The following DNAJC10 variants were observed in gnomAD, a reference collection of about 807,000 sequenced individuals.
DNAJC10 encodes endoplasmic reticulum disulfide reductase DNAJC10.
In DNAJC10, 101 loss-of-function variants were observed where a neutral mutation model predicts 115.0. The observed-to-expected ratio is 0.88, with a 90% confidence interval of 0.75 to 1.04. The LOEUF (loss-of-function observed/expected upper bound fraction) is 1.04, where lower values mean the gene tolerates loss of function less well. Among genes scored for constraint, DNAJC10 ranks in the 50% least tolerant of loss-of-function variants. The pLI is 0.00. For synonymous variants in DNAJC10, 307 were observed against 301.5 expected (o/e 1.02, Z -0.19); for missense variants, 981 against 928.8 (o/e 1.06, Z -0.73).
chr2:182,752,706 C>A, intron 16 of DNAJC10: 19 of 220,218 alleles, frequency 8.6e-5, no homozygotes, highest in Non-Finnish European at 1.1e-4. Context: ...GTATAAAATA[C>A]TTTGGGCAAA....
rs1014123348 is a variant in DNAJC10 at position 182,793,384 on chromosome 2, G to C, written c.*16252G>C. On this transcript the variant is annotated 3_prime_UTR_variant, in exon 24 of 24. Coordinates refer to ENST00000264065, the MANE Select transcript of DNAJC10 (RefSeq NM_018981.4). Reference sequence around the variant, plus strand: ...AATTGTGAAATTCCAGAACCAAAAAGAAGATCCTGGTAAAAGAGAAACTTT... The same window carrying C: ...AATTGTGAAATTCCAGAACCAAAAACAAGATCCTGGTAAAAGAGAAACTTT... 4 of 152,168 alleles carry C rather than the reference G, an allele frequency of 2.6e-5. No individual in the cohort carries two copies. The highest frequency in any genetic ancestry group is 5.9e-5 in the Non-Finnish European group (4 of 68,020). The allele number at this position is 152,168 out of a possible 1,614,324, so 9.4% of individuals were successfully genotyped here.
intron 10 of DNAJC10, 60 bp downstream of exon 10, chr2:182,732,602 G>T: frequency 6.7e-7 from 1 of 1,497,118 alleles, no homozygotes; most frequent in Non-Finnish European, 9.3e-7. Context: ...TTTAGAAATT[G>T]ATTTGAAACA....
rs144646841 is a variant in DNAJC10, at chr2:182,733,134, G to C, written c.849+592G>C. 1.5e-3 allele frequency among the ~76,000 whole-genome samples: 231 copies of C among 151,974 alleles called. 1 individual carries two copies. Among genetic ancestry groups the C allele is most frequent in the Middle Eastern group, 0.01 (3 of 294 alleles). ...ACTACATGATCTATAATTTCTAAGA[G>C]GGATGTATTAAAATCTCTACCATCC... is the stretch of plus-strand genomic sequence containing the variant. On this transcript the variant is annotated intron_variant, in intron 10 of 23. Transcript: ENST00000264065.
chr2:182,730,820 TAATG>T, intron 8 of DNAJC10, among the ~76,000 whole-genome samples: 2 of 152,190 alleles, frequency 1.3e-5, no homozygotes, highest in Middle Eastern at 6.8e-3. Context: ...CTTAATGAAA[TAATG>T]AATTTAGGTT....
chr2:182,771,534 C>G (rs947613734), intron 22 of DNAJC10, among the ~76,000 whole-genome samples: 2 of 152,164 alleles, frequency 1.3e-5, no homozygotes, highest in African/African-American at 4.8e-5. Context: ...AGAAATTCAT[C>G]TTCTTCCTGG....
At position 182,775,316 on chromosome 2, in the gene DNAJC10, A is replaced by G; in HGVS notation, c.2266A>G (p.Arg756Gly). 6.3e-7 allele frequency: 1 copy of G among 1,588,200 alleles called. No individual in the cohort carries two copies. Among genetic ancestry groups the G allele is most frequent in the Non-Finnish European group, 8.6e-7 (1 of 1,158,974 alleles). ...AGATAACAAGTGTTTTTAATTTTAG[A>G]GAAATTTTCAAGAAGAGCAGATAAA... ...VKFYFYERAK[R>G]NFQEEQINTR... Residue 756 changes from arginine to glycine, a missense_variant and splice_region_variant, in exon 23 of 24, where the codon AGA becomes GGA. Physicochemically the swap from Arg to Gly is moderately radical, Grantham distance 125. Coordinates refer to ENST00000264065, the MANE Select transcript of DNAJC10 (RefSeq NM_018981.4).
intron 22 of DNAJC10, among the ~76,000 whole-genome samples, chr2:182,774,241 G>A (rs1017377796): frequency 2.0e-5 from 3 of 152,120 alleles, no homozygotes; most frequent in Non-Finnish European, 4.4e-5. Flanking sequence ...AAGGGCAGCC[G>A]CCTATATGAG....
chr2:182,784,243 T>C lies in DNAJC10; in HGVS notation c.*7111T>C, dbSNP rs1376496827. 3 of 152,074 alleles carry C rather than the reference T, an allele frequency of 2.0e-5. No homozygotes were observed. The highest frequency in any genetic ancestry group is 3.1e-3 in the Middle Eastern group (1 of 320). 9.4% of individuals were successfully genotyped at this position (152,074 alleles called of 1,614,324 possible). Reference sequence around the variant, plus strand: ...TGGAGGCTGAGACAGGAGAATTGCATGAACCCGGAGGCAAAGGTTGCAGTG... The same window carrying C: ...TGGAGGCTGAGACAGGAGAATTGCACGAACCCGGAGGCAAAGGTTGCAGTG... On this transcript the variant is annotated 3_prime_UTR_variant, in exon 24 of 24. Transcript: ENST00000264065.
chr2:182,776,698 A>C (rs1318130386), intron 23 of DNAJC10, among the ~76,000 whole-genome samples: 2 of 152,200 alleles, frequency 1.3e-5, no homozygotes, highest in Non-Finnish European at 2.9e-5. Context: ...AAGAGTTATG[A>C]GTCTGTATTT....
In DNAJC10 at chr2:182,719,944, G is replaced by A. The variant is rs906263835; in HGVS notation, c.205-63G>A. The A allele has an allele frequency of 8.0e-6, 8 of 997,374 alleles. No homozygotes were observed. The African/African-American group carries it at 1.3e-4, about 16-fold the overall frequency. The allele number at this position is 997,374 out of a possible 1,614,324, so 61.8% of individuals were successfully genotyped here. A position where few individuals can be genotyped will look rare whatever the true frequency, so the allele number is the denominator to read the frequency against. ...CTAGATTAATTAAACCTACATATAT[G>A]TTTTGAAGAAACTTGGATTGTGTAT... On this transcript the variant is annotated intron_variant, in intron 3 of 23. Coordinates refer to ENST00000264065, the MANE Select transcript of DNAJC10 (RefSeq NM_018981.4).
chr2:182,760,949 A>C (rs1694271988), intron 21 of DNAJC10, among the ~76,000 whole-genome samples: 1 of 152,206 alleles, frequency 6.6e-6, no homozygotes, highest in Admixed American at 6.5e-5. Flanking sequence ...TAAAAACTTT[A>C]GTTATAAACT....
At position 182,736,154 on chromosome 2, in the gene DNAJC10, T is replaced by C. The variant is rs1054105915; in HGVS notation, c.850-95T>C. The C allele has an allele frequency of 2.4e-6, 3 of 1,242,182 alleles. No individual in the cohort carries two copies. The Admixed American group carries it at 9.0e-5, about 37-fold the overall frequency. The allele number at this position is 1,242,182 out of a possible 1,614,324, so 76.9% of individuals were successfully genotyped here. A position where few individuals can be genotyped will look rare whatever the true frequency, so the allele number is the denominator to read the frequency against. Reference sequence around the variant, plus strand: ...AAGGCATGAAGTTTTAATTTTTTGGTAGAAAAATTGTGTTTTTAGCTAAGT... The same window carrying C: ...AAGGCATGAAGTTTTAATTTTTTGGCAGAAAAATTGTGTTTTTAGCTAAGT... On this transcript the variant is annotated intron_variant, in intron 10 of 23. Coordinates refer to ENST00000264065, the MANE Select transcript of DNAJC10 (RefSeq NM_018981.4).
intron 5 of DNAJC10, among the ~76,000 whole-genome samples, chr2:182,726,580 A>G (rs1005367844): frequency 6.6e-6 from 1 of 152,178 alleles, no homozygotes; most frequent in African/African-American, 2.4e-5. Flanking sequence ...GGAGACATCA[A>G]TCAGTGTGGC....
At chr2:182,762,159 GAA>G (rs34152329) in intron 21 of DNAJC10, among the ~76,000 whole-genome samples, 6 of 65,230 alleles carry the variant, frequency 9.2e-5, no homozygotes, top group Admixed American at 1.2e-4. Flanking sequence ...TGCTGCTCAG[GAA>G]AAAAAAAAAA....
rs1008218702 is a variant in DNAJC10 at position 182,775,322 on chromosome 2, T to G, written c.2272T>G (p.Phe758Val). ...CAAGTGTTTTTAATTTTAGAGAAAT[T>G]TTCAAGAAGAGCAGATAAATACCAG... ...FYFYERAKRN[F>V]QEEQINTRDA... Residue 758 changes from phenylalanine to valine, a missense_variant, in exon 23 of 24, where the codon TTT (phenylalanine) becomes GTT (valine). Coordinates refer to ENST00000264065, the MANE Select transcript of DNAJC10 (RefSeq NM_018981.4). 13 of 1,601,220 alleles carry G rather than the reference T, an allele frequency of 8.1e-6. No individual in the cohort carries two copies. Among genetic ancestry groups the G allele is most frequent in the African/African-American group, 8.1e-5 (6 of 74,412 alleles).
At position 182,793,450 on chromosome 2, in the gene DNAJC10, T is replaced by C. The variant is rs571343039; in HGVS notation, c.*16318T>C. Reference sequence around the variant, plus strand: ...AACATTTTATTTGAGTGAAGAACAATTCATCCATCAGGCAGCACTGAGAAC... The same window carrying C: ...AACATTTTATTTGAGTGAAGAACAACTCATCCATCAGGCAGCACTGAGAAC... On this transcript the variant is annotated 3_prime_UTR_variant, in exon 24 of 24. Transcript: ENST00000264065. 5.9e-5 allele frequency: 9 copies of C among 152,274 alleles called. No homozygotes were observed. Among genetic ancestry groups the C allele is most frequent in the Non-Finnish European group, 1.3e-4 (9 of 68,018 alleles). 9.4% of individuals were successfully genotyped at this position (152,274 alleles called of 1,614,324 possible).
chr2:182,751,803 G>C lies in DNAJC10; in HGVS notation c.1434+18G>C, dbSNP rs776123646. On this transcript the variant is annotated intron_variant, in intron 15 of 23. Coordinates refer to ENST00000264065, the MANE Select transcript of DNAJC10 (RefSeq NM_018981.4). ...TTGCCCCCGTAAGTTATTTTTATCT[G>C]TCAGATTCTAACATTGTCAGATCTT... The C allele has an allele frequency of 1.9e-6, 3 of 1,608,630 alleles. No individual in the cohort carries two copies. The highest frequency in any genetic ancestry group is 2.2e-5 in the South Asian group (2 of 89,480).
chr2:182,732,336 T>TGTGTG (rs34295287), intron 9 of DNAJC10, among the ~76,000 whole-genome samples, 163 bp from the exon 10 acceptor site: 1 of 151,464 alleles, frequency 6.6e-6, no homozygotes, highest in African/African-American at 2.4e-5. Flanking sequence ...GTGTGTGTGT[T>TGTGTG]TGTATGTGTG....
chr2:182,726,875 G>A (rs1391773635), intron 5 of DNAJC10, among the ~76,000 whole-genome samples: 1 of 151,000 alleles, frequency 6.6e-6, no homozygotes, highest in Admixed American at 6.6e-5. Flanking sequence ...GAGACTGCGG[G>A]CATGTGCCAC....
Sources: allele counts gnomAD v4.1 joint callset (sites outside exome capture counted in the v4.1 genomes callset), GRCh38; gene constraint gnomAD v4.1.1; transcripts MANE v1.5; gene names NCBI Gene and HGNC (gene_info 2026-07-23, HGNC 2026-07-21).